The following GRID2 variants were observed in gnomAD, a reference collection of about 807,000 sequenced individuals.
The protein encoded by GRID2 is glutamate receptor ionotropic, delta-2.
A neutral mutation model predicts 114.8 loss-of-function variants in GRID2; 33 were observed. The ratio of observed to expected loss-of-function variants is 0.29; its 90% CI spans 0.22 to 0.38. The LOEUF (loss-of-function observed/expected upper bound fraction) is 0.38. GRID2 is among the 10% of genes least tolerant of loss of function. The pLI is 1.00. For synonymous variants in GRID2, 505 were observed against 449.9 expected (o/e 1.12, Z -1.55); for missense variants, 1,184 against 1,257.7 (o/e 0.94, Z 0.89).
At chr4:93,253,509 A>G (rs1018378890) in intron 8 of GRID2, among the ~76,000 whole-genome samples, 69 of 152,134 alleles carry the variant, frequency 4.5e-4, no homozygotes, top group African/African-American at 1.4e-3. Context: ...GATTTCCACA[A>G]TATCAAAAAG....
intron 13 of GRID2, among the ~76,000 whole-genome samples, chr4:93,596,896 T>C (rs1739165396): frequency 6.6e-6 from 1 of 152,236 alleles, no homozygotes; most frequent in African/African-American, 2.4e-5. Context: ...GCTGGTGTAT[T>C]TAATTTCAAA....
chr4:93,402,977 C>G (rs1480262390), intron 9 of GRID2, among the ~76,000 whole-genome samples: 2 of 152,060 alleles, frequency 1.3e-5, no homozygotes, highest in Non-Finnish European at 2.9e-5. Context: ...TTTCTGAGGT[C>G]CCAGCGTTTG....
At chr4:92,944,642 G>C (rs79486082) in intron 2 of GRID2, among the ~76,000 whole-genome samples, 2,251 of 152,270 alleles carry the variant, frequency 0.015, 21 homozygotes, top group East Asian at 0.053. Context: ...CACCTCTCTT[G>C]TGCATTGCTC....
intron 8 of GRID2, among the ~76,000 whole-genome samples, chr4:93,294,209 A>C: frequency 7.3e-5 from 1 of 13,638 alleles, no homozygotes; most frequent in East Asian, 1.1e-3. Context: ...TTGCTCCACA[A>C]AAAAACGAAA....
intron 2 of GRID2, among the ~76,000 whole-genome samples, chr4:92,740,235 C>G (rs1046082264): frequency 6.6e-6 from 1 of 152,152 alleles, no homozygotes; most frequent in Admixed American, 6.5e-5. Context: ...GTGTGTAACT[C>G]AAGGAAAGCA....
chr4:93,034,180 T>C (rs548989855), intron 2 of GRID2, among the ~76,000 whole-genome samples: 27 of 152,190 alleles, frequency 1.8e-4, no homozygotes, highest in Admixed American at 3.9e-4. Context: ...CATGACATAT[T>C]TCCAGTAACA....
Position 93,422,848 on chromosome 4 carries a change from G to T in GRID2, c.1425G>T (p.Leu475Phe), listed in dbSNP as rs753770248. 6.2e-7 allele frequency: 1 copy of T among 1,612,938 alleles called. No individual in the cohort carries two copies. The highest frequency in any genetic ancestry group is 8.5e-7 in the Non-Finnish European group (1 of 1,178,982). The change falls in exon 10 of 16, where the codon TTG becomes TTT. Residue 475 changes from leucine (L) to phenylalanine (F), a missense_variant. Around this residue, in one of 3 missense-constraint regions of GRID2, gnomAD observed 717 missense variants for 796.9 expected, o/e 0.90. Coordinates refer to ENST00000282020, the MANE Select transcript of GRID2 (RefSeq NM_001510.4). ...ACCAGGGCTTCTCCATTGATGTTTT[G>T]GATGCCTTATCTAACTACCTGGGTT... The part of the protein sequence containing the change: ...KKYQGFSIDV[L>F]DALSNYLGFN...
intron 1 of GRID2, among the ~76,000 whole-genome samples, chr4:92,356,792 AG>A: frequency 6.6e-6 from 1 of 151,962 alleles, no homozygotes; most frequent in Middle Eastern, 3.4e-3. Flanking sequence ...CAATGCAAAA[AG>A]GATTGAAATT....
intron 1 of GRID2, among the ~76,000 whole-genome samples, chr4:92,376,453 C>T (rs571440842): frequency 5.3e-5 from 8 of 152,276 alleles, no homozygotes; most frequent in East Asian, 3.9e-4. Flanking sequence ...TGGCTGATTT[C>T]ATGGGCTGGC....
At chr4:92,489,212 G>A (rs1723035626) in intron 1 of GRID2, among the ~76,000 whole-genome samples, 1 of 152,002 alleles carries the variant, frequency 6.6e-6, no homozygotes, top group Admixed American at 6.6e-5. Flanking sequence ...CTCTATGGTT[G>A]ATAACAATAT....
chr4:93,237,893 A>T (rs1223231626), intron 7 of GRID2, among the ~76,000 whole-genome samples: 1 of 151,870 alleles, frequency 6.6e-6, no homozygotes, highest in African/African-American at 2.4e-5. Flanking sequence ...ACCCTCTAAT[A>T]ATCTAGAAAC....
chr4:93,098,884 C>T (rs1053017635), intron 3 of GRID2, among the ~76,000 whole-genome samples: 2 of 151,652 alleles, frequency 1.3e-5, no homozygotes, highest in East Asian at 1.9e-4. Flanking sequence ...CATATCCTCA[C>T]CTCTACTTCT....
intron 14 of GRID2, among the ~76,000 whole-genome samples, chr4:93,646,807 A>ATAGGACTGGAAAC (rs1560856855): frequency 1.3e-5 from 2 of 152,060 alleles, no homozygotes; most frequent in African/African-American, 2.4e-5. Context: ...AACTGTTTGG[A>ATAGGACTGGAAAC]TGTTATATGA....
chr4:92,949,715 G>A (rs925257986), intron 2 of GRID2, among the ~76,000 whole-genome samples: 3 of 151,830 alleles, frequency 2.0e-5, no homozygotes, highest in Non-Finnish European at 4.4e-5. Context: ...CTCAGTGTAG[G>A]AAGGTGTAAA....
At chr4:93,275,397 G>T (rs1751939573) in intron 8 of GRID2, among the ~76,000 whole-genome samples, 1 of 148,728 alleles carries the variant, frequency 6.7e-6, no homozygotes, top group African/African-American at 2.5e-5. Flanking sequence ...GATTTTATGA[G>T]GACATAATTT....
intron 14 of GRID2, among the ~76,000 whole-genome samples, chr4:93,718,774 G>C (rs557309051): frequency 1.3e-5 from 2 of 152,188 alleles, no homozygotes; most frequent in African/African-American, 4.8e-5. Context: ...AAAACTGAAA[G>C]TCAAGACATT....
At chr4:92,757,558 A>T (rs1737785747) in intron 2 of GRID2, among the ~76,000 whole-genome samples, 1 of 152,106 alleles carries the variant, frequency 6.6e-6, no homozygotes, top group Non-Finnish European at 1.5e-5. Context: ...ATTTCTGAGT[A>T]TATAAAAACA....
chr4:92,803,339 C>T (rs917713808), intron 2 of GRID2, among the ~76,000 whole-genome samples: 1 of 151,934 alleles, frequency 6.6e-6, no homozygotes, highest in Admixed American at 6.6e-5. Context: ...TTATACAATG[C>T]ATATTTTGTT....
intron 12 of GRID2, among the ~76,000 whole-genome samples, chr4:93,514,234 C>G (rs1729470828): frequency 6.6e-6 from 1 of 152,034 alleles, no homozygotes; most frequent in African/African-American, 2.4e-5. Context: ...TAGAGAGACT[C>G]AGAAACTCAA....
Sources: allele counts gnomAD v4.1 joint callset (sites outside exome capture counted in the v4.1 genomes callset), GRCh38; gene constraint gnomAD v4.1.1; regional missense constraint gnomAD v4.1.1; transcripts MANE v1.5; gene names NCBI Gene and HGNC (gene_info 2026-07-23, HGNC 2026-07-21).